The following TMIGD3 variants were observed in gnomAD, a reference collection of about 807,000 sequenced individuals.
TMIGD3 encodes the protein transmembrane and immunoglobulin domain containing 3.
A neutral mutation model predicts 28.1 loss-of-function variants in TMIGD3; 21 were observed. That is an observed-to-expected ratio of 0.75 (90% CI 0.53 to 1.08). The LOEUF is 1.08. Ranked by LOEUF, TMIGD3 falls within the 50% of genes least tolerant of loss-of-function variation. The pLI is 0.00. For missense variants in TMIGD3, 416 were observed against 435.6 expected (o/e 0.96, Z 0.40); for synonymous variants, 151 against 162.1 (o/e 0.93, Z 0.52).
intron 1 of TMIGD3, among the ~76,000 whole-genome samples, chr1:111,520,660 T>C (rs10857895): frequency 0.28 from 42,666 of 152,106 alleles, 6,603 homozygotes; most frequent in Non-Finnish European, 0.36. Flanking sequence ...CAGGTATCAA[T>C]TCATTCAGGA....
chr1:111,552,205 C>CCAGACAAT (rs1312293934), intron 1 of TMIGD3, among the ~76,000 whole-genome samples: 4 of 152,152 alleles, frequency 2.6e-5, no homozygotes, highest in African/African-American at 9.7e-5. Context: ...TAGGGAGTCA[C>CCAGACAAT]CAGACAATCA....
At chr1:111,546,849 T>C (rs1657051649) in intron 1 of TMIGD3, among the ~76,000 whole-genome samples, 1 of 152,212 alleles carries the variant, frequency 6.6e-6, no homozygotes, top group Non-Finnish European at 1.5e-5. Flanking sequence ...ATTGTCATAT[T>C]GGTTTTCACA....
intron 1 of TMIGD3, among the ~76,000 whole-genome samples, chr1:111,553,000 A>G (rs1024708941): frequency 9.2e-5 from 14 of 152,258 alleles, no homozygotes; most frequent in African/African-American, 3.1e-4. Context: ...GACTGACAAC[A>G]GGTAAGAGCT....
At chr1:111,537,050 A>T (rs1571446019) in intron 1 of TMIGD3, among the ~76,000 whole-genome samples, 1 of 152,156 alleles carries the variant, frequency 6.6e-6, no homozygotes, top group Non-Finnish European at 1.5e-5. Flanking sequence ...TTTTCCTGCA[A>T]CCACCTTAGC....
At chr1:111,535,133 A>G (rs1656595054) in intron 1 of TMIGD3, among the ~76,000 whole-genome samples, 1 of 152,212 alleles carries the variant, frequency 6.6e-6, no homozygotes, top group Non-Finnish European at 1.5e-5. Context: ...TTATAGACTA[A>G]TATTGAGGAT....
At chr1:111,509,889 G>C (rs759243761) in intron 1 of TMIGD3, among the ~76,000 whole-genome samples, 7 of 152,254 alleles carry the variant, frequency 4.6e-5, no homozygotes, top group Non-Finnish European at 8.8e-5. Context: ...AAGGCTAGGA[G>C]AGAATTGACT....
At chr1:111,516,229 G>T (rs1655863437) in intron 1 of TMIGD3, among the ~76,000 whole-genome samples, 1 of 152,210 alleles carries the variant, frequency 6.6e-6, no homozygotes, top group Non-Finnish European at 1.5e-5. Context: ...TTTGAGAGAG[G>T]GGAGTGGGAA....
intron 1 of TMIGD3, among the ~76,000 whole-genome samples, chr1:111,556,304 A>T (rs1432042096): frequency 6.6e-6 from 1 of 152,236 alleles, no homozygotes; most frequent in Non-Finnish European, 1.5e-5. Context: ...GAGAAATTGA[A>T]ATTATTGTGC....
chr1:111,492,590 C>T (rs377660906), intron 1 of TMIGD3, among the ~76,000 whole-genome samples: 9 of 151,868 alleles, frequency 5.9e-5, no homozygotes, highest in Non-Finnish European at 1.2e-4. Context: ...CTGAGGTGGG[C>T]GGATGACGAG....
chr1:111,489,888 G>A (rs978851263), intron 2 of TMIGD3, among the ~76,000 whole-genome samples: 5 of 152,134 alleles, frequency 3.3e-5, no homozygotes, highest in Admixed American at 3.3e-4. Context: ...ACCATGTCCA[G>A]CTTGACCATG....
At chr1:111,500,056 T>C in intron 1 of TMIGD3, 1 of 1,614,222 alleles carries the variant, frequency 6.2e-7, no homozygotes, top group Non-Finnish European at 8.5e-7. Context: ...CTTTATTTTA[T>C]AGGCATAGAC....
At chr1:111,531,349 C>T (rs898742390) in intron 1 of TMIGD3, among the ~76,000 whole-genome samples, 1 of 151,354 alleles carries the variant, frequency 6.6e-6, no homozygotes, top group Non-Finnish European at 1.5e-5. Flanking sequence ...ATTTGTATTG[C>T]TATGTCTTCA....
intron 1 of TMIGD3, among the ~76,000 whole-genome samples, chr1:111,520,420 A>T (rs543213301): frequency 1.3e-5 from 2 of 152,358 alleles, no homozygotes; most frequent in East Asian, 3.9e-4. Flanking sequence ...TAAGATGATG[A>T]TGGCAAAAGG....
chr1:111,517,011 C>T (rs1655891325), intron 1 of TMIGD3, among the ~76,000 whole-genome samples: 1 of 152,220 alleles, frequency 6.6e-6, no homozygotes, highest in African/African-American at 2.4e-5. Context: ...CTGCTGGCTT[C>T]TCAGTCCCAG....
chr1:111,505,637 G>GA (rs1320619777), upstream of TMIGD3, among the ~76,000 whole-genome samples: 1 of 152,192 alleles, frequency 6.6e-6, no homozygotes, highest in Admixed American at 6.5e-5. Context: ...GGCTGGGGCA[G>GA]AAGGTCACTT....
intron 1 of TMIGD3, among the ~76,000 whole-genome samples, chr1:111,517,191 A>G: frequency 6.6e-6 from 1 of 152,230 alleles, no homozygotes; most frequent in East Asian, 1.9e-4. Context: ...AACCCTCGAT[A>G]AAGTCTCTCC....
intron 1 of TMIGD3, among the ~76,000 whole-genome samples, chr1:111,499,267 T>C (rs1655038623): frequency 6.6e-6 from 1 of 152,056 alleles, no homozygotes; most frequent in African/African-American, 2.4e-5. Flanking sequence ...AGCTGACAAA[T>C]GCTCTGATGA....
chr1:111,554,629 C>T (rs192925129), intron 1 of TMIGD3, among the ~76,000 whole-genome samples: 2 of 152,154 alleles, frequency 1.3e-5, no homozygotes, highest in African/African-American at 4.8e-5. Flanking sequence ...ACACATATAC[C>T]CCTCAAAGGA....
intron 1 of TMIGD3, among the ~76,000 whole-genome samples, chr1:111,527,006 C>CTTTTTTTTTTTTTTTTTTTTT (rs71580580): frequency 1.1e-5 from 1 of 87,732 alleles, no homozygotes; most frequent in African/African-American, 4.6e-5. Flanking sequence ...TCCTCAATGT[C>CTTTTTTTTTTTTTTTTTTTTT]TTTTTTTTTT....
Sources: gnomAD v4.1 joint callset for allele counts (sites outside exome capture counted in the v4.1 genomes callset) on GRCh38, gnomAD v4.1.1 for gene constraint, MANE v1.5 for transcripts, NCBI Gene and HGNC (gene_info 2026-07-23, HGNC 2026-07-21) for gene names.